The following SLC23A3 variants were observed in gnomAD, a reference collection of about 807,000 sequenced individuals.
SLC23A3 encodes the protein E2-binding protein 3.
SLC23A3 carries 41 observed loss-of-function variants against 64.7 expected under a neutral mutation model. The observed-to-expected ratio is 0.63, with a 90% confidence interval of 0.49 to 0.82. The LOEUF is 0.82. Ranked by LOEUF, SLC23A3 falls within the 40% of genes least tolerant of loss-of-function variation. The probability of loss-of-function intolerance (pLI) is 0.00; values close to 1 mark genes in which losing one functional copy is unlikely to be tolerated. For missense variants in SLC23A3, 647 were observed against 733.4 expected (o/e 0.88, Z 1.36); for synonymous variants, 281 against 306.8 (o/e 0.92, Z 0.88).
chr2:219,165,652 C>G (rs986612272), intron 7 of SLC23A3, among the ~76,000 whole-genome samples: 2 of 152,246 alleles, frequency 1.3e-5, no homozygotes, highest in African/African-American at 4.8e-5. Context: ...CCAGCACACT[C>G]TGCCTCACTT....
At chr2:219,166,397 A>G (rs938335678) in intron 7 of SLC23A3, among the ~76,000 whole-genome samples, 15 of 151,964 alleles carry the variant, frequency 9.9e-5, no homozygotes, top group Non-Finnish European at 1.8e-4. Flanking sequence ...AGGTCTCACT[A>G]TGTTGCCCAG....
chr2:219,162,166 A>G lies in SLC23A3; in HGVS notation c.1576T>C (p.Ser526Pro), dbSNP rs562681469. Residue 526 changes from serine to proline, a missense_variant, in exon 12 of 12, where the codon TCT becomes CCT. Physicochemically the swap from Ser to Pro is moderately conservative, Grantham distance 74. Transcript: ENST00000409878. ...LERGLGQGLP[S>P]PFTAQEARMP... ...CGAGCCTCTTGGGCAGTGAAAGGAG[A>G]TGGTAGCCCTTGACCTAGGCCTCGC... is the stretch of plus-strand genomic sequence containing the variant. 1 of 1,612,670 alleles carries G rather than the reference A, an allele frequency of 6.2e-7. No individual in the cohort carries two copies.
chr2:219,167,966 G>A lies in SLC23A3; in HGVS notation c.877C>T (p.Pro293Ser), dbSNP rs1191716230. 4.4e-6 allele frequency: 7 copies of A among 1,585,472 alleles called. No individual in the cohort carries two copies. In the Admixed American group the frequency reaches 1.0e-4, roughly 23 times the overall value. ...AGCCAAATCCATGGTGCCTTGGTGG[G>A]GGCAGACAGTTCCTGGGGGATAACA... ...FSVIPQELSA[P>S]TKAPWIWLPH... The change falls in exon 7 of 12, where the codon CCC becomes TCC. Residue 293 changes from proline to serine, a missense_variant. By Grantham distance (74) the Pro-to-Ser change is moderately conservative. Coordinates refer to ENST00000409878, the MANE Select transcript of SLC23A3 (RefSeq NM_001144889.2).
chr2:219,161,703 TA>T lies in SLC23A3; in HGVS notation c.*205del. The T allele has an allele frequency of 2.1e-6, 1 of 472,460 alleles. No homozygotes were observed. Among genetic ancestry groups the T allele is most frequent in the Non-Finnish European group, 3.7e-6 (1 of 270,926 alleles). The allele number at this position is 472,460 out of a possible 1,614,324, so 29.3% of individuals were successfully genotyped here. On this transcript the variant is annotated 3_prime_UTR_variant, in exon 12 of 12. Transcript: ENST00000409878. ...AAAATCTCAATCATTCATGGTCCAC[TA>T]AATCATGGCCTCTGCTCTGGAACAG...
Position 219,169,350 on chromosome 2 carries a change from G to A in SLC23A3, c.377C>T (p.Thr126Ile), listed in dbSNP as rs749151810. The A allele has an allele frequency of 1.2e-6, 2 of 1,614,218 alleles. No individual in the cohort carries two copies. The highest frequency in any genetic ancestry group is 1.7e-6 in the Non-Finnish European group (2 of 1,180,028). The change falls in exon 3 of 12, where the codon ACC (threonine) becomes ATC (isoleucine). Residue 126 changes from threonine (T) to isoleucine (I), a missense_variant. By Grantham distance (89) the Thr-to-Ile change is moderately conservative (BLOSUM62 -1). Transcript: ENST00000409878. The surrounding 1 kb of genome is among the most constrained non-coding windows in gnomAD (Gnocchi z 4.5). ...GATGGCCCGGGGTAGCTTCTGGCTG[G>A]TCAGCACCAGAGCAGGGATAAGGAA... is the stretch of plus-strand genomic sequence containing the variant. Reference protein sequence around the residue: ...LEFLIPALVLTSQKLPRAIQT... With the variant: ...LEFLIPALVLISQKLPRAIQT...
Position 219,169,364 on chromosome 2 carries a change from A to G in SLC23A3, c.363T>C (p.Pro121=), listed in dbSNP as rs1950038668. ...GCTTCTGGCTGGTCAGCACCAGAGC[A>G]GGGATAAGGAACTCTAAGGATGGAG... ...VQAPSLEFLI[P]ALVLTSQKLP... is the part of the protein sequence containing the mutation. The change falls in exon 3 of 12, where the codon CCT becomes CCC. Residue 121 remains proline (P), a synonymous_variant. Coordinates refer to ENST00000409878, the MANE Select transcript of SLC23A3 (RefSeq NM_001144889.2). This position sits in a 1 kb window ranked among gnomAD's most constrained non-coding sequence, Gnocchi z 4.5. 1 of 1,614,202 alleles carries G rather than the reference A, an allele frequency of 6.2e-7. No individual in the cohort carries two copies. The highest frequency in any genetic ancestry group is 8.5e-7 in the Non-Finnish European group (1 of 1,180,028).
At chr2:219,167,588 CA>C (rs34130254) in intron 7 of SLC23A3, among the ~76,000 whole-genome samples, 1,783 of 61,058 alleles carry the variant, frequency 0.029, 10 homozygotes, top group South Asian at 0.053. Flanking sequence ...CCTGTCTCTA[CA>C]AAAAAAAAAA....
chr2:219,167,493 G>A (rs1377416893), intron 7 of SLC23A3, among the ~76,000 whole-genome samples: 1 of 151,142 alleles, frequency 6.6e-6, no homozygotes, highest in East Asian at 1.9e-4. Flanking sequence ...GGGGCACAGT[G>A]GCTCATGCCT....
Position 219,161,876 on chromosome 2 carries a change from C to T in SLC23A3, c.*33G>A. 1 of 1,518,786 alleles carries T rather than the reference C, an allele frequency of 6.6e-7. No homozygotes were observed. 94.1% of individuals were successfully genotyped at this position (1,518,786 alleles called of 1,614,324 possible). On this transcript the variant is annotated 3_prime_UTR_variant, in exon 12 of 12. Coordinates refer to ENST00000409878, the MANE Select transcript of SLC23A3 (RefSeq NM_001144889.2). ...ACTCTCCAGCAGATGAGAGTTAGGG[C>T]TAAATTAACCAGGGCAGAAGTAGGC...
intron 9 of SLC23A3, 122 bp from the exon 10 acceptor site, chr2:219,163,677 GT>G (rs901895709): frequency 5.4e-5 from 55 of 1,020,046 alleles, no homozygotes; most frequent in Non-Finnish European, 7.1e-5. Context: ...AATGATTTTT[GT>G]TTTTTTTGTT....
At position 219,169,866 on chromosome 2, in the gene SLC23A3, C is replaced by T. The variant is rs1950044228; in HGVS notation, c.119G>A (p.Cys40Tyr). The change falls in exon 1 of 12, where the codon TGT becomes TAT. Residue 40 changes from cysteine (C) to tyrosine (Y), a missense_variant. Cys to Tyr is a radical substitution (Grantham distance 194). Transcript: ENST00000409878. This position sits in a 1 kb window ranked among gnomAD's most constrained non-coding sequence, Gnocchi z 4.5. ...NPSTHSWDPL[C>Y]GSLPWGLSCL... ...GCTGAGGCCCCAAGGCAGAGATCCA[C>T]ACAAAGGGTCCCAAGAGTGGGTGGA... The T allele has an allele frequency of 6.2e-7, 1 of 1,613,848 alleles. No individual in the cohort carries two copies. The highest frequency in any genetic ancestry group is 8.5e-7 in the Non-Finnish European group (1 of 1,179,906).
At position 219,161,501 on chromosome 2, in the gene SLC23A3, A is replaced by C. The variant is rs1181811097; in HGVS notation, c.*408T>G. 6.4e-6 allele frequency: 1 copy of C among 157,126 alleles called. No individual in the cohort carries two copies. The highest frequency in any genetic ancestry group is 1.4e-5 in the Non-Finnish European group (1 of 71,686). The allele number at this position is 157,126 out of a possible 1,614,324, so 9.7% of individuals were successfully genotyped here. A position where few individuals can be genotyped will look rare whatever the true frequency, so the allele number is the denominator to read the frequency against. ...GGCATTATTTTAATCTTTATTACAGACTGCTTTCTGCTTTGCATTTTCGTT... is the reference window on the plus strand; with the variant it reads ...GGCATTATTTTAATCTTTATTACAGCCTGCTTTCTGCTTTGCATTTTCGTT... On this transcript the variant is annotated 3_prime_UTR_variant, in exon 12 of 12. Transcript: ENST00000409878.
In SLC23A3 at chr2:219,169,141, T is replaced by C. The variant is rs750887326; in HGVS notation, c.419-39A>G. ...GGGGCATGGAGAAGAGAAGGGTGAATGGAATGGAGACCCATTGCTCTACAG... is the reference window on the plus strand; with the variant it reads ...GGGGCATGGAGAAGAGAAGGGTGAACGGAATGGAGACCCATTGCTCTACAG... On this transcript the variant is annotated intron_variant, in intron 3 of 11. Coordinates refer to ENST00000409878, the MANE Select transcript of SLC23A3 (RefSeq NM_001144889.2). This position sits in a 1 kb window ranked among gnomAD's most constrained non-coding sequence, Gnocchi z 4.5. 2 of 1,606,774 alleles carry C rather than the reference T, an allele frequency of 1.2e-6. No individual in the cohort carries two copies. Among genetic ancestry groups the C allele is most frequent in the Non-Finnish European group, 1.7e-6 (2 of 1,173,438 alleles).
rs775103298 is a variant in SLC23A3, at chr2:219,162,153, G to A, written c.1589C>T (p.Ala530Val). The change falls in exon 12 of 12, where the codon GCC (alanine) becomes GTC (valine). Residue 530 changes from alanine (A) to valine (V), a missense_variant. Transcript: ENST00000409878. ...CTTCTGAGGCATTCGAGCCTCTTGG[G>A]CAGTGAAAGGAGATGGTAGCCCTTG... ...LGQGLPSPFTAQEARMPQKPR... is the reference protein window; with the variant it reads ...LGQGLPSPFTVQEARMPQKPR... 3.1e-6 allele frequency: 5 copies of A among 1,613,500 alleles called. No individual in the cohort carries two copies. The South Asian group carries it at 3.3e-5, about 11-fold the overall frequency.
rs1239966253 is a variant in SLC23A3, at chr2:219,162,393, G to A, written c.1443C>T (p.Gly481=). The change falls in exon 11 of 12, where the codon GGC becomes GGT. Residue 481 remains glycine (G), a splice_region_variant and synonymous_variant. Coordinates refer to ENST00000409878, the MANE Select transcript of SLC23A3 (RefSeq NM_001144889.2). Reference sequence around the variant, plus strand: ...GCAGTAATACATCCAAGGGGCTCCAGCCTATGAAGAGTTGGGGCCAGGCAG... The same window carrying A: ...GCAGTAATACATCCAAGGGGCTCCAACCTATGAAGAGTTGGGGCCAGGCAG... ...FREAPVLFST[G]WSPLDVLLHS... 1.2e-6 allele frequency: 2 copies of A among 1,612,644 alleles called. No individual in the cohort carries two copies. The highest frequency in any genetic ancestry group is 1.7e-5 in the Admixed American group (1 of 59,880).
chr2:219,166,488 T>C (rs1950006451), intron 7 of SLC23A3, among the ~76,000 whole-genome samples: 1 of 152,070 alleles, frequency 6.6e-6, no homozygotes, highest in South Asian at 2.1e-4. Flanking sequence ...TGAGCCATGG[T>C]GCCTGGCTAT....
At chr2:219,163,621 T>G in intron 9 of SLC23A3, 66 bp from the exon 10 acceptor site, 4 of 1,412,304 alleles carry the variant, frequency 2.8e-6, no homozygotes, top group Non-Finnish European at 4.0e-6. Flanking sequence ...GCATGGAGTA[T>G]TGCAGGGCAA....
chr2:219,162,421 A>G (rs906055384), intron 10 of SLC23A3, 27 bp from the exon 11 acceptor site: 1 of 1,566,012 alleles, frequency 6.4e-7, no homozygotes, highest in Middle Eastern at 1.7e-4. Context: ...CCAGGCAGGA[A>G]GGGAACTCTG....
At position 219,167,936 on chromosome 2, in the gene SLC23A3, G is replaced by T; in HGVS notation, c.907C>A (p.His303Asn). ...GGACTAGGAGAAAACCTACCTGGGT[G>T]AGGCAGCCAAATCCATGGTGCCTTG... ...PTKAPWIWLP[H>N]PGEWNWPLLT... is the part of the protein sequence containing the mutation. The change falls in exon 7 of 12, where the codon CAC becomes AAC. Residue 303 changes from histidine to asparagine, a missense_variant. Transcript: ENST00000409878. 4 of 1,582,146 alleles carry T rather than the reference G, an allele frequency of 2.5e-6. No homozygotes were observed. The highest frequency in any genetic ancestry group is 3.4e-6 in the Non-Finnish European group (4 of 1,171,554).
Sources: allele counts gnomAD v4.1 joint callset (sites outside exome capture counted in the v4.1 genomes callset), GRCh38; gene constraint gnomAD v4.1.1; non-coding constraint Gnocchi (gnomAD v3.1); transcripts MANE v1.5; gene names NCBI Gene and HGNC (gene_info 2026-07-23, HGNC 2026-07-21).